The following GRAMD4 variants were observed in gnomAD, a reference collection of about 807,000 sequenced individuals.
GRAMD4 encodes GRAM domain-containing protein 4.
In GRAMD4, 25 loss-of-function variants were observed where a neutral mutation model predicts 83.9. That is an observed-to-expected ratio of 0.30 (90% CI 0.22 to 0.42). GRAMD4 has a LOEUF of 0.42. Ranked by LOEUF, GRAMD4 falls within the 10% of genes least tolerant of loss-of-function variation. The pLI is 1.00. For synonymous variants in GRAMD4, 336 were observed against 320.9 expected, an observed-to-expected ratio of 1.05 and a Z score of -0.50; for missense variants, 593 against 788.7, an observed-to-expected ratio of 0.75 and a Z score of 2.97.
chr22:46,650,270 A>G (rs1315980120), intron 3 of GRAMD4, among the ~76,000 whole-genome samples: 4 of 152,114 alleles, frequency 2.6e-5, no homozygotes, highest in Admixed American at 2.6e-4. Context: ...TAGCCGCAGA[A>G]CTGCTTTCCT....
intron 3 of GRAMD4, among the ~76,000 whole-genome samples, 175 bp downstream of exon 3, chr22:46,638,135 C>T (rs2081919075): frequency 6.6e-6 from 1 of 152,202 alleles, no homozygotes; most frequent in Non-Finnish European, 1.5e-5. Context: ...CTGGGTGGTC[C>T]CGGCACAGCC....
At chr22:46,663,624 CT>C (rs2082364220) in intron 6 of GRAMD4, among the ~76,000 whole-genome samples, 1 of 152,218 alleles carries the variant, frequency 6.6e-6, no homozygotes, top group South Asian at 2.1e-4. Context: ...CGAGTCGCCC[CT>C]GCCTTCCTAA....
upstream of GRAMD4, among the ~76,000 whole-genome samples, chr22:46,618,469 G>A (rs1223695944): frequency 6.6e-6 from 1 of 152,184 alleles, no homozygotes; most frequent in East Asian, 1.9e-4. This position sits in a 1 kb window ranked among gnomAD's most constrained non-coding sequence, Gnocchi z 5.8. Flanking sequence ...GGGGACAGAG[G>A]CGGTGGTCGG....
At position 46,677,483 on chromosome 22, in the gene GRAMD4, G is replaced by A. The variant is rs2082616717; in HGVS notation, c.*232G>A. 6 of 1,295,402 alleles carry A rather than the reference G, an allele frequency of 4.6e-6. No individual in the cohort carries two copies. In the South Asian group the frequency reaches 1.3e-4, roughly 28 times the overall value. The allele number at this position is 1,295,402 out of a possible 1,614,324, so 80.2% of individuals were successfully genotyped here. On this transcript the variant is annotated 3_prime_UTR_variant, in exon 19 of 19. Transcript: ENST00000406902. ...CACAGGGCACGTCAGGTGCCTCTGA[G>A]GGCCACCCGCAGACTGGGGGAGGGG...
At chr22:46,682,054 C>T (rs1226542547), downstream of GRAMD4, among the ~76,000 whole-genome samples, 1 of 152,216 alleles carries the variant, frequency 6.6e-6, no homozygotes, top group African/African-American at 2.4e-5. Context: ...GGCTGTGCAG[C>T]CACCCAGTGC....
intron 1 of GRAMD4, among the ~76,000 whole-genome samples, chr22:46,625,116 T>C (rs142827201): frequency 0.021 from 3,131 of 152,196 alleles, 97 homozygotes; most frequent in African/African-American, 0.072. Context: ...CGCCTCGGCC[T>C]CCCAAAGTGC....
At chr22:46,603,531 T>TTTTTTA (rs2081335432) in intron 1 of GRAMD4, among the ~76,000 whole-genome samples, 1 of 96,438 alleles carries the variant, frequency 1.0e-5, no homozygotes, top group Non-Finnish European at 2.0e-5. Flanking sequence ...TTTTTTTTTT[T>TTTTTTA]TTTGAGATGG....
chr22:46,677,807 T>G lies in GRAMD4; in HGVS notation c.*556T>G. On this transcript the variant is annotated 3_prime_UTR_variant, in exon 19 of 19. Coordinates refer to ENST00000406902, the MANE Select transcript of GRAMD4 (RefSeq NM_015124.5). The stretch of plus-strand genomic sequence containing the variant: ...CTTACATGAGACCCTCCTGTGGCAT[T>G]TGCCCTTGGTGCCGGGCTGGGGCCG... The G allele has an allele frequency of 1.0e-6, 1 of 985,286 alleles. No individual in the cohort carries two copies. The highest frequency in any genetic ancestry group is 1.2e-6 in the Non-Finnish European group (1 of 830,090). The allele number at this position is 985,286 out of a possible 1,614,324, so 61.0% of individuals were successfully genotyped here.
upstream of GRAMD4, among the ~76,000 whole-genome samples, chr22:46,619,030 G>A (rs528550520): frequency 2.6e-5 from 4 of 152,358 alleles, no homozygotes; most frequent in South Asian, 4.1e-4. Flanking sequence ...ACGGACATCA[G>A]CATTTGAGGC....
intron 2 of GRAMD4, among the ~76,000 whole-genome samples, chr22:46,633,129 C>T (rs2081801170): frequency 6.6e-6 from 1 of 152,222 alleles, no homozygotes; most frequent in Non-Finnish European, 1.5e-5. Flanking sequence ...AACAGGGTGG[C>T]ACGGTCCAAC....
downstream of GRAMD4, among the ~76,000 whole-genome samples, chr22:46,681,147 G>A (rs185331363): frequency 2.4e-4 from 36 of 151,384 alleles, no homozygotes; most frequent in African/African-American, 6.6e-4. Flanking sequence ...TACCTAACCC[G>A]TTGGCAGCCC....
In GRAMD4 at chr22:46,658,483, G is replaced by A. The variant is rs868356011; in HGVS notation, c.404+176G>A. On this transcript the variant is annotated intron_variant, in intron 4 of 18. Coordinates refer to ENST00000406902, the MANE Select transcript of GRAMD4 (RefSeq NM_015124.5). ...GACTGCCCAGGTATAGGTCCTGCCT[G>A]TGCCTGCATGAGCTGTGGTCTTGGG... Among the ~76,000 whole-genome samples the A allele has an allele frequency of 1.2e-4, 19 of 152,196 alleles. No individual in the cohort carries two copies. The South Asian group carries it at 3.7e-3, about 30-fold the overall frequency.
chr22:46,614,753 T>G (rs893931825), intron 1 of GRAMD4, among the ~76,000 whole-genome samples: 1 of 152,216 alleles, frequency 6.6e-6, no homozygotes, highest in African/African-American at 2.4e-5. Flanking sequence ...CATGTGCCTG[T>G]GCGTGTAGGT....
intron 1 of GRAMD4, among the ~76,000 whole-genome samples, chr22:46,587,175 G>C (rs2081158820): frequency 1.3e-5 from 2 of 152,226 alleles, no homozygotes; most frequent in African/African-American, 4.8e-5. Flanking sequence ...TGGACCCTGT[G>C]AGAGTGGAGG....
chr22:46,626,369 G>A (rs1259335055), intron 1 of GRAMD4, among the ~76,000 whole-genome samples: 5 of 152,246 alleles, frequency 3.3e-5, no homozygotes, highest in African/African-American at 7.2e-5. Flanking sequence ...TTGCGCCTGC[G>A]CGCCGCCTCG....
At chr22:46,676,779 C>T (rs1162905908) in intron 18 of GRAMD4, 111 bp downstream of exon 18, 1 of 1,023,610 alleles carries the variant, frequency 9.8e-7, no homozygotes, top group African/African-American at 1.6e-5. Context: ...GTTTGGGCAG[C>T]AGGGTCACAA....
chr22:46,602,762 C>CTCT (rs1555955040), intron 1 of GRAMD4, among the ~76,000 whole-genome samples: 1 of 121,436 alleles, frequency 8.2e-6, no homozygotes, highest in Non-Finnish European at 1.6e-5. Context: ...CCATTTTTCT[C>CTCT]TTTTTTTTTT....
intron 1 of GRAMD4, among the ~76,000 whole-genome samples, chr22:46,604,415 G>A (rs1200829392): frequency 6.6e-6 from 1 of 152,030 alleles, no homozygotes; most frequent in Non-Finnish European, 1.5e-5. Context: ...ACAATGTACC[G>A]TCTTAACCAT....
At chr22:46,663,787 A>G in intron 6 of GRAMD4, 51 bp from the exon 7 acceptor site, 2 of 1,594,426 alleles carry the variant, frequency 1.3e-6, no homozygotes, top group Non-Finnish European at 1.7e-6. Context: ...GGGACTGCAG[A>G]GCCGGCGGGT....
Sources: allele counts gnomAD v4.1 joint callset (sites outside exome capture counted in the v4.1 genomes callset), GRCh38; gene constraint gnomAD v4.1.1; non-coding constraint Gnocchi (gnomAD v3.1); transcripts MANE v1.5; gene names NCBI Gene and HGNC (gene_info 2026-07-23, HGNC 2026-07-21).